Variants in COQ2 observed in about 807,000 individuals in gnomAD.
COQ2 encodes coenzyme Q2, polyprenyltransferase, also known as 4-hydroxybenzoate polyprenyltransferase, mitochondrial.
Under a neutral mutation model 35.7 loss-of-function variants are expected in COQ2, and 25 were observed. That is an observed-to-expected ratio of 0.70 (90% CI 0.51 to 0.98). The LOEUF (loss-of-function observed/expected upper bound fraction) is 0.98, where lower values mean the gene tolerates loss of function less well. Among genes scored for constraint, COQ2 ranks in the 50% least tolerant of loss-of-function variants. The pLI, the probability that COQ2 is intolerant of heterozygous loss-of-function variation, is 0.00. For missense variants in COQ2, 488 were observed against 473.5 expected (o/e 1.03, Z -0.28); for synonymous variants, 206 against 186.2 (o/e 1.11, Z -0.86).
At chr4:83,277,328 T>C (rs1177109926) in intron 2 of COQ2, among the ~76,000 whole-genome samples, 1 of 152,186 alleles carries the variant, frequency 6.6e-6, no homozygotes, top group Non-Finnish European at 1.5e-5. Flanking sequence ...ACAGACCATG[T>C]AGTTGCTGCT....
chr4:83,266,151 G>A (rs1734913482), intron 6 of COQ2, among the ~76,000 whole-genome samples: 1 of 152,140 alleles, frequency 6.6e-6, no homozygotes, highest in African/African-American at 2.4e-5. Context: ...GGGAAAAATG[G>A]TGACATCCTG....
rs1367976365 is a variant in COQ2, at chr4:83,284,654, C to T, written c.111G>A (p.Ala37=). Residue 37 remains alanine (A), a synonymous_variant, in exon 1 of 7, where the codon GCG becomes GCA. Coordinates refer to ENST00000647002, the MANE Select transcript of COQ2 (RefSeq NM_001358921.2). ...GGGGCTGCAAGTCACCACCGTGGGG[C>T]GCGCCTGCCGCACGCGCCAGGGCGA... ...RSFALARAAG[A]PHGGDLQPPA... The T allele has an allele frequency of 7.6e-6, 11 of 1,454,762 alleles. No individual in the cohort carries two copies. Among genetic ancestry groups the T allele is most frequent in the Non-Finnish European group, 9.9e-6 (11 of 1,109,192 alleles). 90.1% of individuals were successfully genotyped at this position (1,454,762 alleles called of 1,614,324 possible). A position where few individuals can be genotyped will look rare whatever the true frequency, so the allele number is the denominator to read the frequency against.
chr4:83,281,227 A>AG (rs1339669303), intron 1 of COQ2, among the ~76,000 whole-genome samples: 2 of 152,212 alleles, frequency 1.3e-5, no homozygotes. Context: ...CAAGGGACAG[A>AG]GGAGTAGCTG....
At chr4:83,269,051 G>T (rs1451764183) in intron 5 of COQ2, among the ~76,000 whole-genome samples, 1 of 151,842 alleles carries the variant, frequency 6.6e-6, no homozygotes, top group Non-Finnish European at 1.5e-5. Flanking sequence ...TTTTTAAAAT[G>T]GAATTTATCA....
rs1444811007 is a variant in COQ2 at position 83,278,952 on chromosome 4, T to C, written c.416A>G (p.Lys139Arg). ...TCCTTTTCAGGATGAAATTACCTTT[T>C]TATCATAGTCCTGGTCCCACATGTC... ...INDMWDQDYD[K>R]KVTRTANRPI... Residue 139 changes from lysine to arginine, a missense_variant, in exon 2 of 7, where the codon AAA (lysine) becomes AGA (arginine). Physicochemically the swap from Lys to Arg is conservative, Grantham distance 26. Coordinates refer to ENST00000647002, the MANE Select transcript of COQ2 (RefSeq NM_001358921.2). 6.3e-7 allele frequency: 1 copy of C among 1,581,396 alleles called. No homozygotes were observed. Among genetic ancestry groups the C allele is most frequent in the Non-Finnish European group, 8.6e-7 (1 of 1,166,670 alleles).
chr4:83,266,365 G>GTTT (rs72433716), intron 6 of COQ2, among the ~76,000 whole-genome samples: 1 of 144,496 alleles, frequency 6.9e-6, no homozygotes. Context: ...TTTTTTTTTT[G>GTTT]TTTTTTTTTT....
chr4:83,266,300 T>C (rs1047327944), intron 6 of COQ2, among the ~76,000 whole-genome samples: 13 of 152,234 alleles, frequency 8.5e-5, no homozygotes, highest in African/African-American at 2.9e-4. Context: ...CTGATAGTAA[T>C]TGGCAATAAT....
intron 6 of COQ2, among the ~76,000 whole-genome samples, chr4:83,266,365 G>T (rs10857220): frequency 5.4e-4 from 78 of 144,538 alleles, no homozygotes; most frequent in Non-Finnish European, 7.0e-4. Flanking sequence ...TTTTTTTTTT[G>T]TTTTTTTTTT....
At position 83,269,714 on chromosome 4, in the gene COQ2, G is replaced by GA. The variant is rs200527502; in HGVS notation, c.762+145dup. ...GGAACTGTGAATGACTTTCTTTTTA[G>GA]AAAAAAAAAATTCTTCCTCCTTAAT... On this transcript the variant is annotated intron_variant, in intron 5 of 6. Transcript: ENST00000647002. 7.4e-3 allele frequency: 5,107 copies of GA among 690,898 alleles called. 3 individuals carry two copies. The highest frequency in any genetic ancestry group is 0.013 in the African/African-American group (649 of 51,270). 42.8% of individuals were successfully genotyped at this position (690,898 alleles called of 1,614,324 possible). A position where few individuals can be genotyped will look rare whatever the true frequency, so the allele number is the denominator to read the frequency against.
At chr4:83,284,800 T>A (rs369705200), upstream of COQ2, 20 of 1,569,982 alleles carry the variant, frequency 1.3e-5, no homozygotes, top group African/African-American at 2.7e-5. Flanking sequence ...CGGATTGACG[T>A]CATTCCCCGG....
chr4:83,266,281 T>C (rs1333877041), intron 6 of COQ2, among the ~76,000 whole-genome samples: 2 of 152,254 alleles, frequency 1.3e-5, no homozygotes, highest in Non-Finnish European at 2.9e-5. Flanking sequence ...TATGTGAGTC[T>C]TGCCTATACT....
intron 2 of COQ2, among the ~76,000 whole-genome samples, chr4:83,276,058 T>A (rs545330373): frequency 0.039 from 777 of 19,794 alleles, 3 homozygotes; most frequent in Non-Finnish European, 0.14. Context: ...ATATTATATA[T>A]AATATATATT....
chr4:83,264,391 T>G, intron 6 of COQ2, 28 bp from the exon 7 acceptor site: 1 of 1,571,860 alleles, frequency 6.4e-7, no homozygotes, highest in Non-Finnish European at 8.6e-7. Flanking sequence ...AAAGTTGTAT[T>G]AATACCTAGT....
At position 83,284,066 on chromosome 4, in the gene COQ2, G is replaced by C; in HGVS notation, c.253+446C>G. 3 of 985,464 alleles carry C rather than the reference G, an allele frequency of 3.0e-6. 1 individual carries two copies. Among genetic ancestry groups the C allele is most frequent in the Non-Finnish European group, 3.6e-6 (3 of 829,928 alleles). The allele number at this position is 985,464 out of a possible 1,614,324, so 61.0% of individuals were successfully genotyped here. On this transcript the variant is annotated intron_variant, in intron 1 of 6. Coordinates refer to ENST00000647002, the MANE Select transcript of COQ2 (RefSeq NM_001358921.2). Reference sequence around the variant, plus strand: ...TTCCTCAGCGTCTTAACTGTCTTAAGGATTGTCTTTGTGGGCCTTACAAGA... The same window carrying C: ...TTCCTCAGCGTCTTAACTGTCTTAACGATTGTCTTTGTGGGCCTTACAAGA...
At chr4:83,269,163 T>C (rs1173525943) in intron 5 of COQ2, among the ~76,000 whole-genome samples, 1 of 152,200 alleles carries the variant, frequency 6.6e-6, no homozygotes, top group Non-Finnish European at 1.5e-5. Context: ...GAAGTATTAA[T>C]GATTAGAACA....
intron 1 of COQ2, among the ~76,000 whole-genome samples, chr4:83,282,169 A>G (rs1431393464): frequency 3.9e-5 from 6 of 152,260 alleles, no homozygotes; most frequent in African/African-American, 1.4e-4. Context: ...TCAAGACAAC[A>G]TAATCACCCA....
At chr4:83,280,989 G>A (rs1044551917) in intron 1 of COQ2, among the ~76,000 whole-genome samples, 3 of 152,082 alleles carry the variant, frequency 2.0e-5, no homozygotes, top group African/African-American at 4.8e-5. Flanking sequence ...ACAGGGTCTC[G>A]CTCTCTTGCC....
chr4:83,278,851 T>C, intron 2 of COQ2, 97 bp downstream of exon 2: 1 of 1,286,560 alleles, frequency 7.8e-7, no homozygotes, highest in Non-Finnish European at 1.0e-6. Context: ...GGTCACTGAA[T>C]GATCTTGTTG....
chr4:83,279,480 T>C (rs1489520001), intron 1 of COQ2, among the ~76,000 whole-genome samples: 1 of 152,170 alleles, frequency 6.6e-6, no homozygotes, highest in Non-Finnish European at 1.5e-5. Context: ...CAACACACTC[T>C]AGGGAGTTGA....
Sources: gnomAD v4.1 joint callset for allele counts (sites outside exome capture counted in the v4.1 genomes callset) on GRCh38, gnomAD v4.1.1 for gene constraint, MANE v1.5 for transcripts, NCBI Gene and HGNC (gene_info 2026-07-23, HGNC 2026-07-21) for gene names.